The following RFTN1 variants were observed in gnomAD, a reference collection of about 807,000 sequenced individuals.
RFTN1 encodes the protein raftlin, lipid raft linker 1.
RFTN1 carries 26 observed loss-of-function variants against 46.5 expected under a neutral mutation model. The ratio of observed to expected loss-of-function variants is 0.56; its 90% CI spans 0.41 to 0.78. RFTN1 has a LOEUF of 0.78. RFTN1 is among the 30% of genes least tolerant of loss of function. The pLI is 0.00. For synonymous variants in RFTN1, 261 were observed against 284.2 expected, an observed-to-expected ratio of 0.92 and a Z score of 0.82; for missense variants, 693 against 718.7, an observed-to-expected ratio of 0.96 and a Z score of 0.41.
At position 16,342,842 on chromosome 3, in the gene RFTN1, C is replaced by T. The variant is rs187931945; in HGVS notation, c.1146+15090G>A. 6.6e-6 allele frequency among the ~76,000 whole-genome samples: 1 copy of T among 152,232 alleles called. No homozygotes were observed. Among genetic ancestry groups the T allele is most frequent in the Admixed American group, 6.5e-5 (1 of 15,296 alleles). On this transcript the variant is annotated intron_variant, in intron 7 of 9. Transcript: ENST00000334133. This position sits in a 1 kb window ranked among gnomAD's most constrained non-coding sequence, Gnocchi z 4.0. ...CTAGTCCAGTGGCTGCTAGGCCTGG[C>T]TGAATTTTTTACATGCAGTTCCCTA... is the stretch of plus-strand genomic sequence containing the variant.
At position 16,382,330 on chromosome 3, in the gene RFTN1, C is replaced by T. The variant is rs2074019411; in HGVS notation, c.442-4228G>A. 6.6e-6 allele frequency among the ~76,000 whole-genome samples: 1 copy of T among 152,172 alleles called. No homozygotes were observed. Among genetic ancestry groups the T allele is most frequent in the Non-Finnish European group, 1.5e-5 (1 of 68,026 alleles). ...CCACGACTCTTACAGTTCTGTCTTA[C>T]CCTAGTATAGACACTTTCCTCTTTT... On this transcript the variant is annotated intron_variant, in intron 4 of 9. Coordinates refer to ENST00000334133, the MANE Select transcript of RFTN1 (RefSeq NM_015150.2). The surrounding 1 kb of genome is among the most constrained non-coding windows in gnomAD (Gnocchi z 4.7).
At chr3:16,390,748 T>A (rs1369615878) in intron 4 of RFTN1, among the ~76,000 whole-genome samples, 1 of 152,224 alleles carries the variant, frequency 6.6e-6, no homozygotes, top group Non-Finnish European at 1.5e-5. Context: ...AACGAGAAGC[T>A]GTCATTGCCC....
At position 16,506,639 on chromosome 3, in the gene RFTN1, G is replaced by A. The variant is rs2125012225; in HGVS notation, c.-9+6803C>T. On this transcript the variant is annotated intron_variant, in intron 1 of 9. Transcript: ENST00000334133. The surrounding 1 kb of genome is among the most constrained non-coding windows in gnomAD (Gnocchi z 4.8). ...CTGGAGTGGCCATCTTCTGAGATGG[G>A]TAGAAGAAGCCAGGAGTTAGCCATG... Among the ~76,000 whole-genome samples, 1 of 152,096 alleles carries A rather than the reference G, an allele frequency of 6.6e-6. No homozygotes were observed. Among genetic ancestry groups the A allele is most frequent in the Non-Finnish European group, 1.5e-5 (1 of 68,006 alleles).
Position 16,426,749 on chromosome 3 carries a change from C to A in RFTN1, c.332+7102G>T, listed in dbSNP as rs1028826546. 6.7e-6 allele frequency among the ~76,000 whole-genome samples: 1 copy of A among 149,332 alleles called. No homozygotes were observed. The highest frequency in any genetic ancestry group is 1.5e-5 in the Non-Finnish European group (1 of 67,602). On this transcript the variant is annotated intron_variant, in intron 3 of 9. Transcript: ENST00000334133. This position sits in a 1 kb window ranked among gnomAD's most constrained non-coding sequence, Gnocchi z 5.9. ...TATGTGGCTGCATTATTAAGATATA[C>A]TTTTGGTACTGATAAATACGTAAAC... is the stretch of plus-strand genomic sequence containing the variant.
chr3:16,491,978 T>G (rs1009459702), intron 2 of RFTN1, among the ~76,000 whole-genome samples: 3 of 152,160 alleles, frequency 2.0e-5, no homozygotes, highest in Non-Finnish European at 4.4e-5. Context: ...GCCAAATGCA[T>G]GACCAAATGC....
chr3:16,353,270 T>C lies in RFTN1; in HGVS notation c.1146+4662A>G, dbSNP rs2072216196. Among the ~76,000 whole-genome samples, 1 of 152,034 alleles carries C rather than the reference T, an allele frequency of 6.6e-6. No individual in the cohort carries two copies. Among genetic ancestry groups the C allele is most frequent in the Non-Finnish European group, 1.5e-5 (1 of 68,008 alleles). ...AGGGTGGGGAAAAGAAGTAGCTGGG[T>C]CTCAAGGGTAGAAGACGTGAGAGCT... On this transcript the variant is annotated intron_variant, in intron 7 of 9. Coordinates refer to ENST00000334133, the MANE Select transcript of RFTN1 (RefSeq NM_015150.2). This position sits in a 1 kb window ranked among gnomAD's most constrained non-coding sequence, Gnocchi z 5.4.
rs1034700850 is a variant in RFTN1, at chr3:16,356,049, C to T, written c.1146+1883G>A. 2.6e-5 allele frequency among the ~76,000 whole-genome samples: 4 copies of T among 152,228 alleles called. No homozygotes were observed. The highest frequency in any genetic ancestry group is 4.1e-4 in the South Asian group (2 of 4,830). ...CGGAGCAAACTGAATGCCGGCTGCT[C>T]AGTCCTTCAGATCCTCAACTCTTGG... is the stretch of plus-strand genomic sequence containing the variant. On this transcript the variant is annotated intron_variant, in intron 7 of 9. Coordinates refer to ENST00000334133, the MANE Select transcript of RFTN1 (RefSeq NM_015150.2). The surrounding 1 kb of genome is among the most constrained non-coding windows in gnomAD (Gnocchi z 4.9).
Position 16,504,576 on chromosome 3 carries a change from G to A in RFTN1, c.-9+8866C>T, listed in dbSNP as rs1241296263. Among the ~76,000 whole-genome samples, 1 of 152,196 alleles carries A rather than the reference G, an allele frequency of 6.6e-6. No individual in the cohort carries two copies. The highest frequency in any genetic ancestry group is 1.5e-5 in the Non-Finnish European group (1 of 68,048). On this transcript the variant is annotated intron_variant, in intron 1 of 9. Transcript: ENST00000334133. The surrounding 1 kb of genome is among the most constrained non-coding windows in gnomAD (Gnocchi z 4.4). ...TTGGCCACCCTGTGCCTTTGCTGCA[G>A]TGCCTTGCGGTATCTTAGCACAGAA... is the stretch of plus-strand genomic sequence containing the variant.
In RFTN1 at chr3:16,342,680, G is replaced by A. The variant is rs1484984638; in HGVS notation, c.1146+15252C>T. On this transcript the variant is annotated intron_variant, in intron 7 of 9. Coordinates refer to ENST00000334133, the MANE Select transcript of RFTN1 (RefSeq NM_015150.2). The surrounding 1 kb of genome is among the most constrained non-coding windows in gnomAD (Gnocchi z 4.0). ...TTGGCCTCACTAGACTAGTTCTCAA[G>A]CCTTCTTAAGTCTAATTTGCCAAGC... 6.6e-6 allele frequency among the ~76,000 whole-genome samples: 1 copy of A among 152,204 alleles called. No homozygotes were observed. The highest frequency in any genetic ancestry group is 1.5e-5 in the Non-Finnish European group (1 of 68,042).
chr3:16,376,539 C>T lies in RFTN1; in HGVS notation c.826+1179G>A, dbSNP rs907357904. On this transcript the variant is annotated intron_variant, in intron 5 of 9. Transcript: ENST00000334133. The surrounding 1 kb of genome is among the most constrained non-coding windows in gnomAD (Gnocchi z 4.7). Reference sequence around the variant, plus strand: ...GGAGGTTTCTGGACTAAGACCTGGGCGTTCATGAGGACGACACACTGGGCT... The same window carrying T: ...GGAGGTTTCTGGACTAAGACCTGGGTGTTCATGAGGACGACACACTGGGCT... Among the ~76,000 whole-genome samples, 3 of 152,240 alleles carry T rather than the reference C, an allele frequency of 2.0e-5. No individual in the cohort carries two copies. Among genetic ancestry groups the T allele is most frequent in the Non-Finnish European group, 2.9e-5 (2 of 68,014 alleles).
chr3:16,467,743 G>C (rs1382151029), intron 2 of RFTN1, among the ~76,000 whole-genome samples: 1 of 152,206 alleles, frequency 6.6e-6, no homozygotes, highest in East Asian at 1.9e-4. Flanking sequence ...CAAGTGAATG[G>C]AAACAAAGTT....
At chr3:16,494,545 T>G (rs879303210) in intron 1 of RFTN1, among the ~76,000 whole-genome samples, 1 of 152,154 alleles carries the variant, frequency 6.6e-6, no homozygotes, top group Non-Finnish European at 1.5e-5. Context: ...TGAACACTAA[T>G]AGCAGGGATA....
chr3:16,326,516 G>A (rs565434097), intron 8 of RFTN1, among the ~76,000 whole-genome samples: 7 of 152,302 alleles, frequency 4.6e-5, no homozygotes, highest in East Asian at 1.9e-4. Context: ...CAGTCTGAGC[G>A]GCTCATCTTT....
chr3:16,453,162 C>T (rs929120889), intron 2 of RFTN1, among the ~76,000 whole-genome samples: 30 of 152,230 alleles, frequency 2.0e-4, no homozygotes, highest in African/African-American at 7.0e-4. Context: ...AGTAAATTTC[C>T]CAAGCCTGCA....
chr3:16,485,182 T>C (rs1215237108), intron 2 of RFTN1, among the ~76,000 whole-genome samples: 1 of 152,178 alleles, frequency 6.6e-6, no homozygotes, highest in East Asian at 1.9e-4. Flanking sequence ...CTTTTTTTTT[T>C]CATAATAGCC....
chr3:16,324,838 C>G (rs1376682451), intron 8 of RFTN1, among the ~76,000 whole-genome samples: 2 of 151,850 alleles, frequency 1.3e-5, no homozygotes, highest in African/African-American at 4.8e-5. Context: ...GGATATATAC[C>G]TAGAAGTGGG....
At chr3:16,501,028 T>C (rs2076702113) in intron 1 of RFTN1, among the ~76,000 whole-genome samples, 1 of 152,148 alleles carries the variant, frequency 6.6e-6, no homozygotes, top group African/African-American at 2.4e-5. Context: ...TCCCAGCTAC[T>C]TGGGAGGCCG....
rs116161408 is a variant in RFTN1, at chr3:16,354,898, C to G, written c.1146+3034G>C. ...TTCGTCCCTCTTTGGTTCTGCCTTC[C>G]ACAAAGCGCTAGGACACGAACACAA... On this transcript the variant is annotated intron_variant, in intron 7 of 9. Transcript: ENST00000334133. Among the ~76,000 whole-genome samples the G allele has an allele frequency of 7.0e-3, 1,072 of 152,310 alleles. 17 individuals are homozygous for G. The highest frequency in any genetic ancestry group is 0.024 in the African/African-American group (997 of 41,558).
intron 2 of RFTN1, among the ~76,000 whole-genome samples, chr3:16,492,694 A>T (rs1442203413): frequency 6.6e-6 from 1 of 152,220 alleles, no homozygotes; most frequent in Non-Finnish European, 1.5e-5. Context: ...AAAGAATAGC[A>T]TGTTCTTCCT....
Sources: allele counts gnomAD v4.1 joint callset (sites outside exome capture counted in the v4.1 genomes callset), GRCh38; gene constraint gnomAD v4.1.1; non-coding constraint Gnocchi (gnomAD v3.1); transcripts MANE v1.5; gene names NCBI Gene and HGNC (gene_info 2026-07-23, HGNC 2026-07-21).